Variants in NCAM2 observed in about 807,000 individuals in gnomAD.
NCAM2 encodes the protein N-CAM-2.
Under a neutral mutation model 98.1 loss-of-function variants are expected in NCAM2, and 30 were observed. The ratio of observed to expected loss-of-function variants is 0.31; its 90% CI spans 0.23 to 0.41. The LOEUF is 0.41. Ranked by LOEUF, NCAM2 falls within the 10% of genes least tolerant of loss-of-function variation. The pLI, the probability that NCAM2 is intolerant of heterozygous loss-of-function variation, is 1.00. For missense variants in NCAM2, 867 were observed against 1,005.8 expected (o/e 0.86, Z 1.87); for synonymous variants, 368 against 342.4 (o/e 1.07, Z -0.83).
At chr21:21,169,722 G>A (rs74459082) in intron 1 of NCAM2, among the ~76,000 whole-genome samples, 5,191 of 152,206 alleles carry the variant, frequency 0.034, 143 homozygotes, top group East Asian at 0.11. Context: ...GCTGAGACTG[G>A]AGGATAACTG....
At chr21:21,244,012 A>G (rs1225237450) in intron 1 of NCAM2, among the ~76,000 whole-genome samples, 2 of 152,198 alleles carry the variant, frequency 1.3e-5, no homozygotes, top group East Asian at 3.9e-4. Context: ...GGACCCAAGC[A>G]TGGGTAAATT....
chr21:21,442,709 T>C (rs911256973), intron 12 of NCAM2, among the ~76,000 whole-genome samples: 6 of 152,252 alleles, frequency 3.9e-5, no homozygotes, highest in African/African-American at 1.4e-4. Context: ...CATTGTCTGG[T>C]TTATTTACAT....
At chr21:21,461,250 AAC>A (rs1982933282) in intron 12 of NCAM2, among the ~76,000 whole-genome samples, 3 of 151,956 alleles carry the variant, frequency 2.0e-5, no homozygotes, top group South Asian at 2.1e-4. Context: ...TTGTTTATGA[AAC>A]ATATTTTGTT....
chr21:21,125,696 A>G (rs1379037784), intron 1 of NCAM2, among the ~76,000 whole-genome samples: 2 of 79,896 alleles, frequency 2.5e-5, no homozygotes, highest in Non-Finnish European at 5.3e-5. Flanking sequence ...ATGTAATAAT[A>G]TTTTACATAT....
chr21:21,072,066 C>A (rs981228308), intron 1 of NCAM2, among the ~76,000 whole-genome samples: 2 of 152,064 alleles, frequency 1.3e-5, no homozygotes, highest in Non-Finnish European at 2.9e-5. Context: ...GCACCCGCCA[C>A]CACGCCTGGC....
At chr21:21,049,027 T>TTC (rs1555876302) in intron 1 of NCAM2, among the ~76,000 whole-genome samples, 2 of 148,420 alleles carry the variant, frequency 1.3e-5, no homozygotes, top group Admixed American at 6.7e-5. Flanking sequence ...TTTTTTTTTT[T>TTC]TTGAGACGGA....
intron 15 of NCAM2, among the ~76,000 whole-genome samples, chr21:21,493,903 T>G (rs1475990877): frequency 6.6e-6 from 1 of 151,992 alleles, no homozygotes. Flanking sequence ...TAGCATAAAA[T>G]GTCTTCAGTC....
chr21:21,287,260 G>T (rs1306270535), intron 4 of NCAM2, among the ~76,000 whole-genome samples: 1 of 151,954 alleles, frequency 6.6e-6, no homozygotes, highest in Non-Finnish European at 1.5e-5. Flanking sequence ...TCCAAGGGAT[G>T]AAGATTCTAC....
chr21:21,534,525 TTA>T lies in NCAM2; in HGVS notation c.2283-10_2283-9del. ...AATTACACAGGTGAGATGTTTCTCT[TTA>T]TGTTTCTAGGAAAGATGGATCAAAA... On this transcript the variant is annotated splice_polypyrimidine_tract_variant and intron_variant, in intron 16 of 17. Coordinates refer to ENST00000400546, the MANE Select transcript of NCAM2 (RefSeq NM_004540.5). 1 of 1,572,416 alleles carries T rather than the reference TTA, an allele frequency of 6.4e-7. No individual in the cohort carries two copies. The highest frequency in any genetic ancestry group is 8.6e-7 in the Non-Finnish European group (1 of 1,157,474).
intron 1 of NCAM2, among the ~76,000 whole-genome samples, chr21:21,166,093 A>G (rs527701107): frequency 4.5e-4 from 68 of 152,320 alleles, no homozygotes; most frequent in African/African-American, 1.5e-3. Context: ...GCACCAAAAC[A>G]AGGCAATACA....
chr21:21,036,128 C>G (rs1395322931), intron 1 of NCAM2, among the ~76,000 whole-genome samples: 2 of 152,092 alleles, frequency 1.3e-5, no homozygotes, highest in Non-Finnish European at 1.5e-5. Flanking sequence ...GAATTTGAAA[C>G]TTGATTTTGG....
intron 1 of NCAM2, among the ~76,000 whole-genome samples, chr21:21,034,426 A>G (rs1194518941): frequency 1.3e-5 from 2 of 152,100 alleles, no homozygotes; most frequent in Non-Finnish European, 1.5e-5. Context: ...ACTTTGAATC[A>G]GGTATTCCAG....
intron 9 of NCAM2, among the ~76,000 whole-genome samples, chr21:21,399,049 A>C (rs1337379026): frequency 2.6e-5 from 4 of 152,224 alleles, no homozygotes; most frequent in African/African-American, 9.6e-5. Context: ...GATTAGGATC[A>C]AGAGGTGACC....
chr21:21,434,912 A>T (rs765212899), intron 12 of NCAM2, among the ~76,000 whole-genome samples: 1 of 152,072 alleles, frequency 6.6e-6, no homozygotes, highest in African/African-American at 2.4e-5. Flanking sequence ...TGTTGACCTC[A>T]TTGGGCTGTC....
chr21:21,146,042 T>G (rs549789434), intron 1 of NCAM2, among the ~76,000 whole-genome samples: 20 of 152,248 alleles, frequency 1.3e-4, no homozygotes, highest in African/African-American at 4.8e-4. Flanking sequence ...GAGAAACACG[T>G]TTTTTGACAG....
At chr21:21,366,187 T>G (rs1044359841) in intron 8 of NCAM2, among the ~76,000 whole-genome samples, 11 of 152,178 alleles carry the variant, frequency 7.2e-5, no homozygotes, top group African/African-American at 2.6e-4. Flanking sequence ...AAAAACATAC[T>G]AAAGGACAAG....
intron 16 of NCAM2, among the ~76,000 whole-genome samples, chr21:21,524,508 C>A (rs1314581307): frequency 7.0e-6 from 1 of 141,984 alleles, no homozygotes; most frequent in African/African-American, 2.6e-5. Flanking sequence ...CCAGCCTATA[C>A]AACAAGAGCG....
At chr21:21,324,301 T>G in intron 5 of NCAM2, 82 bp from the exon 6 acceptor site, 2 of 1,017,462 alleles carry the variant, frequency 2.0e-6, no homozygotes, top group Non-Finnish European at 2.9e-6. Context: ...ATTTGAAAGC[T>G]TAAAATGTAG....
At chr21:21,216,436 T>C (rs1230819653) in intron 1 of NCAM2, among the ~76,000 whole-genome samples, 1 of 152,106 alleles carries the variant, frequency 6.6e-6, no homozygotes, top group African/African-American at 2.4e-5. Context: ...GTTGGACAGA[T>C]GGAGAACAAA....
Sources: gnomAD v4.1 joint callset for allele counts (sites outside exome capture counted in the v4.1 genomes callset) on GRCh38, gnomAD v4.1.1 for gene constraint, MANE v1.5 for transcripts, NCBI Gene and HGNC (gene_info 2026-07-23, HGNC 2026-07-21) for gene names.